The following SLCO5A1 variants were observed in gnomAD, a reference collection of about 807,000 sequenced individuals.
SLCO5A1 encodes organic anion transporter polypeptide-related protein 4.
A neutral mutation model predicts 65.1 loss-of-function variants in SLCO5A1; 39 were observed. The ratio of observed to expected loss-of-function variants is 0.60; its 90% confidence interval spans 0.46 to 0.78. SLCO5A1 has a LOEUF of 0.78. SLCO5A1 is among the 30% of genes least tolerant of loss of function. The pLI is 0.00. For missense variants in SLCO5A1, 1,029 were observed against 1,069.4 expected, an observed-to-expected ratio of 0.96 and a Z score of 0.53; for synonymous variants, 438 against 415.7, an observed-to-expected ratio of 1.05 and a Z score of -0.65.
At chr8:69,734,680 C>G (rs10504459) in intron 5 of SLCO5A1, among the ~76,000 whole-genome samples, 2 of 152,180 alleles carry the variant, frequency 1.3e-5, no homozygotes, top group Non-Finnish European at 2.9e-5. Flanking sequence ...TGCTTCCTCT[C>G]TATCCATAAC....
At chr8:69,739,220 T>C (rs16919172) in intron 4 of SLCO5A1, among the ~76,000 whole-genome samples, 11,101 of 152,252 alleles carry the variant, frequency 0.073, 505 homozygotes, top group African/African-American at 0.12. Flanking sequence ...TGGTCAAATA[T>C]ATACTTCTCA....
chr8:69,698,816 C>A (rs1389415514), intron 6 of SLCO5A1, among the ~76,000 whole-genome samples: 1 of 152,212 alleles, frequency 6.6e-6, no homozygotes, highest in East Asian at 1.9e-4. Context: ...CCCATGTTCC[C>A]TTTCCACGGA....
At chr8:69,825,907 G>T (rs920974024) in intron 2 of SLCO5A1, among the ~76,000 whole-genome samples, 7 of 152,026 alleles carry the variant, frequency 4.6e-5, no homozygotes, top group Non-Finnish European at 1.0e-4. Flanking sequence ...AACCAAAACA[G>T]CATGGTACTG....
chr8:69,774,135 G>C (rs770216329), intron 2 of SLCO5A1, among the ~76,000 whole-genome samples: 1 of 152,194 alleles, frequency 6.6e-6, no homozygotes, highest in Non-Finnish European at 1.5e-5. Flanking sequence ...AGCCTTTATT[G>C]AATGGAGAAG....
chr8:69,807,993 G>A (rs1308743972), intron 2 of SLCO5A1, among the ~76,000 whole-genome samples: 3 of 152,076 alleles, frequency 2.0e-5, no homozygotes, highest in South Asian at 4.1e-4. Context: ...TTGAGCCACC[G>A]CGCCCAGCTC....
At chr8:69,708,122 C>G (rs1043589049) in intron 5 of SLCO5A1, among the ~76,000 whole-genome samples, 28 of 152,232 alleles carry the variant, frequency 1.8e-4, no homozygotes, top group African/African-American at 6.3e-4. Flanking sequence ...GTCCACAGAA[C>G]AAGTTGAAAA....
Position 69,673,225 on chromosome 8 carries a change from C to T in SLCO5A1, c.2191G>A (p.Val731Met). Residue 731 changes from valine (V) to methionine (M), a missense_variant, in exon 10 of 10, where the codon GTG (valine) becomes ATG (methionine). Physicochemically the swap from Val to Met is conservative, Grantham distance 21. Around this residue, in one of 3 missense-constraint regions of SLCO5A1, gnomAD observed 258 missense variants for 237.4 expected, o/e 1.09. Transcript: ENST00000260126. ...AAATACACAAAACGAAACGACGTCA[C>T]GTTGTACTCCCAGCAAGAACCCTGC... ...GVQGSCWEYNVTSFRFVYFGL... is the reference protein window; with the variant it reads ...GVQGSCWEYNMTSFRFVYFGL... The T allele has an allele frequency of 1.2e-6, 2 of 1,614,186 alleles. No homozygotes were observed. Among genetic ancestry groups the T allele is most frequent in the Non-Finnish European group, 8.5e-7 (1 of 1,180,044 alleles).
At chr8:69,764,156 C>A (rs1817944786) in intron 2 of SLCO5A1, among the ~76,000 whole-genome samples, 1 of 152,214 alleles carries the variant, frequency 6.6e-6, no homozygotes, top group Non-Finnish European at 1.5e-5. Context: ...AGTCACCACA[C>A]CCAGCCAATA....
intron 2 of SLCO5A1, among the ~76,000 whole-genome samples, chr8:69,797,836 G>T (rs983982268): frequency 6.6e-6 from 1 of 152,136 alleles, no homozygotes; most frequent in Admixed American, 6.5e-5. Flanking sequence ...TTTTGCCCCG[G>T]TCCTGTGGTC....
At chr8:69,819,625 A>T (rs1428944036) in intron 2 of SLCO5A1, among the ~76,000 whole-genome samples, 2 of 152,222 alleles carry the variant, frequency 1.3e-5, no homozygotes, top group Non-Finnish European at 2.9e-5. Context: ...AGAAAAACTA[A>T]TGCTACAGAG....
intron 2 of SLCO5A1, among the ~76,000 whole-genome samples, chr8:69,782,681 A>G (rs1050751531): frequency 6.6e-6 from 1 of 152,166 alleles, no homozygotes; most frequent in African/African-American, 2.4e-5. Context: ...AACATGCCTA[A>G]GCCTTTTGTA....
At chr8:69,752,255 T>C (rs900115450) in intron 4 of SLCO5A1, among the ~76,000 whole-genome samples, 5 of 151,848 alleles carry the variant, frequency 3.3e-5, no homozygotes, top group African/African-American at 1.2e-4. Flanking sequence ...GAATAAAAAT[T>C]TTAAAAATTA....
chr8:69,685,257 T>A (rs563326735), intron 6 of SLCO5A1, among the ~76,000 whole-genome samples: 1 of 152,306 alleles, frequency 6.6e-6, no homozygotes, highest in African/African-American at 2.4e-5. Context: ...CCTGTCTGAT[T>A]GTCATTCACT....
At chr8:69,778,145 C>T (rs780618227) in intron 2 of SLCO5A1, among the ~76,000 whole-genome samples, 5 of 151,772 alleles carry the variant, frequency 3.3e-5, no homozygotes, top group Admixed American at 6.6e-5. Context: ...CAGTTCTATA[C>T]GAGGTTTTAG....
At chr8:69,673,435 G>T in intron 9 of SLCO5A1, 109 bp from the exon 10 acceptor site, 1 of 901,192 alleles carries the variant, frequency 1.1e-6, no homozygotes, top group Non-Finnish European at 1.7e-6. Flanking sequence ...GTTGAGGGGA[G>T]GGATTTTCTT....
intron 2 of SLCO5A1, among the ~76,000 whole-genome samples, chr8:69,798,560 C>T (rs1819600065): frequency 6.6e-6 from 1 of 152,192 alleles, no homozygotes; most frequent in Admixed American, 6.5e-5. Context: ...CTCACCCACT[C>T]ACTATCACAA....
intron 2 of SLCO5A1, among the ~76,000 whole-genome samples, chr8:69,804,616 G>T (rs1056040084): frequency 6.6e-6 from 1 of 152,076 alleles, no homozygotes; most frequent in Non-Finnish European, 1.5e-5. Context: ...GTGCCCAGCT[G>T]CTTCTTGTAT....
At chr8:69,794,572 T>G in intron 2 of SLCO5A1, 1 of 333,344 alleles carries the variant, frequency 3.0e-6, no homozygotes, top group East Asian at 7.7e-5. Flanking sequence ...ACTATTTTAT[T>G]GAAGACCTTA....
chr8:69,675,023 G>C (rs1028512650), intron 9 of SLCO5A1, among the ~76,000 whole-genome samples: 3 of 150,686 alleles, frequency 2.0e-5, no homozygotes, highest in Admixed American at 6.6e-5. Flanking sequence ...CTGGGCAACA[G>C]AGCAAGACTC....
Sources: allele counts gnomAD v4.1 joint callset (sites outside exome capture counted in the v4.1 genomes callset), GRCh38; gene constraint gnomAD v4.1.1; regional missense constraint gnomAD v4.1.1; transcripts MANE v1.5; gene names NCBI Gene and HGNC (gene_info 2026-07-23, HGNC 2026-07-21).